The following RHEB variants were observed in gnomAD, a reference collection of about 807,000 sequenced individuals.
The protein encoded by RHEB is Ras homolog, mTORC1 binding, also known as GTP-binding protein Rheb.
In RHEB, 2 loss-of-function variants were observed where a neutral mutation model predicts 28.8. The ratio of observed to expected loss-of-function variants is 0.07; its 90% CI spans 0.03 to 0.22. RHEB has a LOEUF of 0.22. Among genes scored for constraint, RHEB ranks in the 10% least tolerant of loss-of-function variants. The probability of loss-of-function intolerance (pLI) is 1.00; values close to 1 mark genes in which losing one functional copy is unlikely to be tolerated. For synonymous variants in RHEB, 69 were observed against 77.3 expected, an observed-to-expected ratio of 0.89 and a Z score of 0.56; for missense variants, 76 against 219.9, an observed-to-expected ratio of 0.35 and a Z score of 4.14.
chr7:151,514,622 T>C (rs1584870354), intron 1 of RHEB, among the ~76,000 whole-genome samples: 1 of 152,204 alleles, frequency 6.6e-6, no homozygotes, highest in African/African-American at 2.4e-5. Context: ...CTTCAAAATA[T>C]TAAGCACAGA....
intron 4 of RHEB, among the ~76,000 whole-genome samples, chr7:151,476,600 A>T (rs1315101810): frequency 2.0e-5 from 3 of 152,256 alleles, no homozygotes; most frequent in African/African-American, 4.8e-5. Context: ...TGAAATAAGT[A>T]ATGTATCATA....
Position 151,490,968 on chromosome 7 carries a change from G to T in RHEB, c.99C>A (p.Asp33Glu). The T allele has an allele frequency of 6.2e-7, 1 of 1,612,436 alleles. No homozygotes were observed. Among genetic ancestry groups the T allele is most frequent in the Non-Finnish European group, 8.5e-7 (1 of 1,179,042 alleles). The change falls in exon 2 of 8, where the codon GAC becomes GAA. Residue 33 changes from aspartate to glutamate, a missense_variant. Coordinates refer to ENST00000262187, the MANE Select transcript of RHEB (RefSeq NM_005614.4). ...TIQFVEGQFV[D>E]SYDPTIENTF... ...TGTTTTCTATGGTTGGATCGTAGGA[G>T]TCCACAAATTGGCCTTCAACAAATT...
chr7:151,483,846 G>A lies in RHEB; in HGVS notation c.192+891C>T, dbSNP rs533974566. On this transcript the variant is annotated intron_variant, in intron 3 of 7. Coordinates refer to ENST00000262187, the MANE Select transcript of RHEB (RefSeq NM_005614.4). ...AAGCAGGCCTGGATGTCATGGTAATGGGGCAGCTAAGCTGTCAAAAGGGCT... is the reference window on the plus strand; with the variant it reads ...AAGCAGGCCTGGATGTCATGGTAATAGGGCAGCTAAGCTGTCAAAAGGGCT... Among the ~76,000 whole-genome samples the A allele has an allele frequency of 3.3e-5, 5 of 152,306 alleles. No individual in the cohort carries two copies. In the South Asian group the frequency reaches 8.3e-4, roughly 25 times the overall value.
At chr7:151,491,611 C>A (rs1288708682) in intron 1 of RHEB, among the ~76,000 whole-genome samples, 2 of 152,202 alleles carry the variant, frequency 1.3e-5, no homozygotes, top group East Asian at 1.9e-4. Context: ...GTGGCGGGCA[C>A]CTGTAATCCC....
At chr7:151,519,034 C>A (rs1358557689) in intron 1 of RHEB, 1 of 152,308 alleles carries the variant, frequency 6.6e-6, no homozygotes, top group Non-Finnish European at 1.5e-5. Flanking sequence ...TTCCTTACAT[C>A]GGGGGCGGGG....
intron 2 of RHEB, among the ~76,000 whole-genome samples, chr7:151,488,185 A>T (rs1802517203): frequency 6.6e-6 from 1 of 152,254 alleles, no homozygotes; most frequent in Admixed American, 6.5e-5. Context: ...TTAGATTAAC[A>T]CTACAGTAGA....
At chr7:151,469,377 A>G (rs73154847) in intron 7 of RHEB, among the ~76,000 whole-genome samples, 3,776 of 152,294 alleles carry the variant, frequency 0.025, 56 homozygotes, top group Non-Finnish European at 0.037. Context: ...AGAAACCACA[A>G]TTTCTTTCAG....
At chr7:151,500,570 C>T (rs1304235448) in intron 1 of RHEB, among the ~76,000 whole-genome samples, 3 of 152,232 alleles carry the variant, frequency 2.0e-5, no homozygotes, top group East Asian at 1.9e-4. Flanking sequence ...AGAGAGGCTG[C>T]GGCAGTAGCT....
At chr7:151,506,303 G>T (rs1173130734) in intron 1 of RHEB, among the ~76,000 whole-genome samples, 1 of 151,622 alleles carries the variant, frequency 6.6e-6, no homozygotes, top group Non-Finnish European at 1.5e-5. Context: ...TCTCACCTTG[G>T]TCTCTCAAAG....
chr7:151,467,838 T>C (rs765773893), intron 7 of RHEB, among the ~76,000 whole-genome samples: 15 of 152,150 alleles, frequency 9.9e-5, no homozygotes, highest in Non-Finnish European at 1.9e-4. Flanking sequence ...ACAGGAATCA[T>C]GGCCACTTGG....
chr7:151,518,066 C>T (rs1397390116), intron 1 of RHEB: 1 of 152,192 alleles, frequency 6.6e-6, no homozygotes, highest in African/African-American at 2.4e-5. Flanking sequence ...TTGAACCCCT[C>T]CATTTGATTC....
intron 1 of RHEB, among the ~76,000 whole-genome samples, chr7:151,499,229 G>A (rs546704127): frequency 1.6e-4 from 24 of 152,208 alleles, no homozygotes; most frequent in Non-Finnish European, 2.9e-4. Context: ...GTGGTGGCAC[G>A]AGCCTGTAAT....
At chr7:151,503,291 A>G in intron 1 of RHEB, 1 of 796,052 alleles carries the variant, frequency 1.3e-6, no homozygotes, top group Non-Finnish European at 2.3e-6. Flanking sequence ...TGGTTTGCTA[A>G]CAACTATAAA....
At chr7:151,482,127 A>G (rs1197781140) in intron 3 of RHEB, among the ~76,000 whole-genome samples, 1 of 152,258 alleles carries the variant, frequency 6.6e-6, no homozygotes, top group African/African-American at 2.4e-5. Flanking sequence ...CACTTGCCTC[A>G]GCAGCATTGA....
chr7:151,494,956 G>A (rs1004993375), intron 1 of RHEB, among the ~76,000 whole-genome samples: 8 of 152,178 alleles, frequency 5.3e-5, no homozygotes, highest in African/African-American at 1.9e-4. Flanking sequence ...ATTTTCAAGT[G>A]TTCTCAGTTC....
intron 1 of RHEB, among the ~76,000 whole-genome samples, chr7:151,499,191 T>C (rs1355096960): frequency 6.6e-6 from 1 of 152,120 alleles, no homozygotes; most frequent in African/African-American, 2.4e-5. Context: ...ACCCAGTCTC[T>C]ACTAAAAATA....
rs955938588 is a variant in RHEB, at chr7:151,472,036, T to C, written c.276-431A>G. The C allele has an allele frequency of 6.2e-6, 1 of 160,672 alleles. No homozygotes were observed. The highest frequency in any genetic ancestry group is 2.4e-5 in the African/African-American group (1 of 41,606). The allele number at this position is 160,672 out of a possible 1,614,324, so 10.0% of individuals were successfully genotyped here. A position where few individuals can be genotyped will look rare whatever the true frequency, so the allele number is the denominator to read the frequency against. ...GATGCCAGTATCTCTTGGCTTTCAA[T>C]CAGATCAATGAGCCGATGACTCTAG... On this transcript the variant is annotated intron_variant, in intron 4 of 7. Coordinates refer to ENST00000262187, the MANE Select transcript of RHEB (RefSeq NM_005614.4). This position sits in a 1 kb window ranked among gnomAD's most constrained non-coding sequence, Gnocchi z 5.2.
chr7:151,478,380 C>T (rs1238539940), intron 3 of RHEB, among the ~76,000 whole-genome samples: 1 of 138,674 alleles, frequency 7.2e-6, no homozygotes. Flanking sequence ...TGGTAAAGTT[C>T]TTTAAAGAAA....
At chr7:151,502,846 A>C (rs757548284) in intron 1 of RHEB, 16 of 1,032,284 alleles carry the variant, frequency 1.5e-5, no homozygotes, top group Non-Finnish European at 2.5e-5. Context: ...TTTTAGCTGG[A>C]TCTGCTGACT....
Sources: allele counts gnomAD v4.1 joint callset (sites outside exome capture counted in the v4.1 genomes callset), GRCh38; gene constraint gnomAD v4.1.1; non-coding constraint Gnocchi (gnomAD v3.1); transcripts MANE v1.5; gene names NCBI Gene and HGNC (gene_info 2026-07-23, HGNC 2026-07-21).